BLTP3A: variants seen among roughly 807,000 people sequenced by gnomAD.
BLTP3A encodes the protein bridge-like lipid transfer protein family member 3A, also known as ICBP90 binding protein 1.
At chr6:34,821,427 T>C in the BLTP3A span, 2 of 377,440 alleles carry the variant, frequency 5.3e-6, no homozygotes, top group South Asian at 5.8e-5. Flanking sequence ...GATGGTGTGG[T>C]CTGAGTGCAT....
chr6:34,853,997 G>T, the BLTP3A span, among the ~76,000 whole-genome samples: 9 of 152,272 alleles, frequency 5.9e-5, no homozygotes, highest in South Asian at 1.7e-3. Flanking sequence ...GCCGAGGTGG[G>T]TGGATCACGA....
At chr6:34,863,817 G>A in the BLTP3A span, among the ~76,000 whole-genome samples, 2 of 152,178 alleles carry the variant, frequency 1.3e-5, no homozygotes, top group African/African-American at 4.8e-5. Context: ...GATTCAGAAA[G>A]GCCAGTGATT....
the BLTP3A span, among the ~76,000 whole-genome samples, chr6:34,794,215 AG>A: frequency 8.3e-6 from 1 of 120,986 alleles, no homozygotes; most frequent in Admixed American, 7.6e-5. Context: ...TGTAACTCAA[AG>A]GATAAATGCT....
chr6:34,818,570 A>G, the BLTP3A span, among the ~76,000 whole-genome samples: 4 of 152,206 alleles, frequency 2.6e-5, no homozygotes, highest in Non-Finnish European at 5.9e-5. Context: ...AATTTGTTAC[A>G]AAATATTTGC....
chr6:34,846,434 G>C, the BLTP3A span, among the ~76,000 whole-genome samples: 1 of 151,908 alleles, frequency 6.6e-6, no homozygotes, highest in East Asian at 1.9e-4. Flanking sequence ...CATGAGCCCA[G>C]CCCTCCTCAG....
chr6:34,817,028 C>T, the BLTP3A span, among the ~76,000 whole-genome samples: 38 of 152,150 alleles, frequency 2.5e-4, no homozygotes, highest in African/African-American at 8.9e-4. Context: ...AGAATTTGCC[C>T]GTGCCTAGTG....
the BLTP3A span, among the ~76,000 whole-genome samples, chr6:34,828,504 C>A: frequency 6.7e-6 from 1 of 149,830 alleles, no homozygotes; most frequent in African/African-American, 2.5e-5. Context: ...TCCTAGAGAT[C>A]ACTCCATAGA....
At chr6:34,830,985 T>C in the BLTP3A span, among the ~76,000 whole-genome samples, 313 of 152,296 alleles carry the variant, frequency 2.1e-3, 2 homozygotes, top group African/African-American at 7.2e-3. Context: ...ACTTGTGTGT[T>C]TTGCTCATTT....
At chr6:34,866,605 T>C in the BLTP3A span, among the ~76,000 whole-genome samples, 1 of 152,194 alleles carries the variant, frequency 6.6e-6, no homozygotes, top group Non-Finnish European at 1.5e-5. Flanking sequence ...TTTGCCATCC[T>C]AACCGTTTTT....
chr6:34,847,245 C>G, the BLTP3A span, among the ~76,000 whole-genome samples: 1 of 148,952 alleles, frequency 6.7e-6, no homozygotes, highest in Admixed American at 6.7e-5. Flanking sequence ...TTTTTTTTTT[C>G]CAAGAACACT....
the BLTP3A span, among the ~76,000 whole-genome samples, chr6:34,829,108 A>G: frequency 6.6e-6 from 1 of 152,080 alleles, no homozygotes; most frequent in African/African-American, 2.4e-5. Flanking sequence ...TTATTGAAAT[A>G]TAATTCACAT....
At chr6:34,808,400 G>A in the BLTP3A span, among the ~76,000 whole-genome samples, 52 of 147,060 alleles carry the variant, frequency 3.5e-4, no homozygotes, top group African/African-American at 1.3e-3. Flanking sequence ...TAAAAGCAGG[G>A]CAAACAGAGA....
the BLTP3A span, among the ~76,000 whole-genome samples, chr6:34,865,856 C>T: frequency 1.8e-4 from 28 of 152,110 alleles, no homozygotes; most frequent in African/African-American, 6.5e-4. Context: ...TGTCTATGTA[C>T]AAAAGTAGAC....
the BLTP3A span, among the ~76,000 whole-genome samples, chr6:34,807,582 G>A: frequency 6.6e-6 from 1 of 152,192 alleles, no homozygotes; most frequent in Non-Finnish European, 1.5e-5. Context: ...GGGAATCCTT[G>A]TTCTTTCAAC....
chr6:34,811,651 A>C, the BLTP3A span, among the ~76,000 whole-genome samples: 1 of 150,156 alleles, frequency 6.7e-6, no homozygotes. Flanking sequence ...GGAGTTCGAG[A>C]CCAGCCTGGC....
At chr6:34,849,958 T>C in the BLTP3A span, among the ~76,000 whole-genome samples, 1,288 of 152,052 alleles carry the variant, frequency 8.5e-3, 19 homozygotes, top group African/African-American at 0.027. Flanking sequence ...CTGACCAACA[T>C]GGAGAAACCC....
the BLTP3A span, chr6:34,823,306 C>A: frequency 1.2e-6 from 2 of 1,614,032 alleles, no homozygotes; most frequent in Non-Finnish European, 8.5e-7. Flanking sequence ...GATCCTCGGC[C>A]CCCCAATGGA....
the BLTP3A span, among the ~76,000 whole-genome samples, chr6:34,795,219 G>A: frequency 4.6e-5 from 7 of 152,038 alleles, no homozygotes; most frequent in African/African-American, 1.4e-4. Flanking sequence ...GAGTAGCTGA[G>A]ACCATGCACC....
At chr6:34,864,108 G>C in the BLTP3A span, 1 of 1,614,092 alleles carries the variant, frequency 6.2e-7, no homozygotes, top group Non-Finnish European at 8.5e-7. Flanking sequence ...ACAGTCATTT[G>C]ATGGTGTCTC....
Sources: gnomAD v4.1 joint callset for allele counts (sites outside exome capture counted in the v4.1 genomes callset) on GRCh38, gnomAD v4.1.1 for gene constraint, MANE v1.5 for transcripts, NCBI Gene and HGNC (gene_info 2026-07-23, HGNC 2026-07-21) for gene names.